Variants in SPATA13 observed in about 807,000 individuals in gnomAD.
SPATA13 encodes spermatogenesis-associated protein 13.
In SPATA13, 50 loss-of-function variants were observed where a neutral mutation model predicts 104.0. That is an observed-to-expected ratio of 0.48 (90% confidence interval 0.38 to 0.61). SPATA13 has a LOEUF of 0.61. Among genes scored for constraint, SPATA13 ranks in the 20% least tolerant of loss-of-function variants. The pLI, the probability that SPATA13 is intolerant of heterozygous loss-of-function variation, is 0.00. For missense variants in SPATA13, 1,524 were observed against 1,690.6 expected, an observed-to-expected ratio of 0.90 and a Z score of 1.73; for synonymous variants, 606 against 667.5, an observed-to-expected ratio of 0.91 and a Z score of 1.42.
intron 2 of SPATA13, among the ~76,000 whole-genome samples, chr13:24,226,064 T>TG (rs1310551632): frequency 6.6e-6 from 1 of 152,196 alleles, no homozygotes; most frequent in Non-Finnish European, 1.5e-5. Flanking sequence ...TGGCGGAGTC[T>TG]GGGGGTTTTT....
chr13:24,167,083 A>G (rs934799977), intron 1 of SPATA13, among the ~76,000 whole-genome samples: 1 of 152,156 alleles, frequency 6.6e-6, no homozygotes, highest in Non-Finnish European at 1.5e-5. Context: ...GGTATGACCT[A>G]TGTGTTGAAA....
intron 3 of SPATA13, among the ~76,000 whole-genome samples, chr13:24,110,351 T>C (rs1246817080): frequency 6.6e-6 from 1 of 152,072 alleles, no homozygotes; most frequent in African/African-American, 2.4e-5. Context: ...CTACAGGGAA[T>C]AAGGGGAAAA....
Position 24,189,820 on chromosome 13 carries a change from AAT to A in SPATA13, c.-112+28896_-112+28897del, listed in dbSNP as rs1192095876. ...ATATATATTTATATAATATATTATA[AAT>A]ATATATAAAATGATATTTAATATAT... On this transcript the variant is annotated intron_variant, in intron 1 of 12. Coordinates refer to ENST00000382108, the MANE Select transcript of SPATA13 (RefSeq NM_001166271.3). 4.7e-3 allele frequency among the ~76,000 whole-genome samples: 264 copies of A among 56,434 alleles called. 21 individuals carry two copies. The highest frequency in any genetic ancestry group is 0.015 in the African/African-American group (253 of 16,804). 37.0% of individuals were successfully genotyped at this position (56,434 alleles called of 152,430 possible). A position where few individuals can be genotyped will look rare whatever the true frequency, so the allele number is the denominator to read the frequency against.
chr13:24,049,401 C>T (rs1186559950), intron 3 of SPATA13, among the ~76,000 whole-genome samples: 1 of 152,192 alleles, frequency 6.6e-6, no homozygotes, highest in East Asian at 1.9e-4. Context: ...GAGCAATAGG[C>T]TACAACGTGC....
At chr13:24,140,122 T>C (rs1309942947) in intron 3 of SPATA13, among the ~76,000 whole-genome samples, 1 of 151,504 alleles carries the variant, frequency 6.6e-6, no homozygotes, top group Non-Finnish European at 1.5e-5. Context: ...TCTCTAAGGC[T>C]CCTGCCAATG....
intron 3 of SPATA13, among the ~76,000 whole-genome samples, chr13:24,146,757 C>T (rs943336498): frequency 2.0e-5 from 3 of 152,164 alleles, no homozygotes; most frequent in African/African-American, 4.8e-5. Flanking sequence ...CATTTTCCAT[C>T]GTGGTCGGCT....
chr13:24,079,981 T>G (rs558562353), intron 3 of SPATA13, among the ~76,000 whole-genome samples: 88 of 152,368 alleles, frequency 5.8e-4, no homozygotes, highest in African/African-American at 2.1e-3. Flanking sequence ...GCTTAGGAAT[T>G]GATTTGTAGT....
At chr13:24,248,078 G>T (rs971751502) in intron 2 of SPATA13, among the ~76,000 whole-genome samples, 2 of 152,204 alleles carry the variant, frequency 1.3e-5, no homozygotes, top group Admixed American at 1.3e-4. Flanking sequence ...GTAAGGTTCA[G>T]GGGTGGAAGA....
intron 3 of SPATA13, among the ~76,000 whole-genome samples, chr13:24,028,572 T>C (rs765010786): frequency 4.4e-4 from 67 of 152,236 alleles, no homozygotes; most frequent in Non-Finnish European, 8.5e-4. Context: ...AGTTTTTTAG[T>C]GATGTGTCTA....
At chr13:24,288,399 G>A (rs1876107866) in intron 7 of SPATA13, among the ~76,000 whole-genome samples, 1 of 152,164 alleles carries the variant, frequency 6.6e-6, no homozygotes, top group Non-Finnish European at 1.5e-5. Flanking sequence ...CTCTTTTTGA[G>A]TTAGCTGTTA....
chr13:24,254,711 C>T (rs796665247), intron 4 of SPATA13, among the ~76,000 whole-genome samples: 3 of 152,322 alleles, frequency 2.0e-5, no homozygotes, highest in African/African-American at 7.2e-5. Flanking sequence ...CTGGTTCCTG[C>T]GGGGAACCGT....
At chr13:23,998,473 A>G (rs377469353) in intron 2 of SPATA13, among the ~76,000 whole-genome samples, 41 of 152,332 alleles carry the variant, frequency 2.7e-4, no homozygotes, top group African/African-American at 9.6e-4. Flanking sequence ...TGGATAAAAG[A>G]TCTTTATCAG....
intron 3 of SPATA13, among the ~76,000 whole-genome samples, chr13:24,095,451 A>G (rs1880042716): frequency 6.6e-6 from 1 of 152,190 alleles, no homozygotes. Flanking sequence ...TAACGGGTAC[A>G]GAGTTTTAGT....
intron 1 of SPATA13, among the ~76,000 whole-genome samples, chr13:24,210,445 T>TGG (rs1870949310): frequency 6.6e-6 from 1 of 152,200 alleles, no homozygotes; most frequent in East Asian, 1.9e-4. Flanking sequence ...AGTTGATTTT[T>TGG]GGAGTAGGAG....
intron 2 of SPATA13, among the ~76,000 whole-genome samples, chr13:24,013,196 C>T (rs570573353): frequency 2.0e-5 from 3 of 152,326 alleles, no homozygotes; most frequent in Admixed American, 6.5e-5. Context: ...TCTCCCCACG[C>T]GTGCTGCACT....
intron 11 of SPATA13, among the ~76,000 whole-genome samples, chr13:24,298,746 C>A (rs1876969711): frequency 6.6e-6 from 1 of 152,216 alleles, no homozygotes; most frequent in South Asian, 2.1e-4. Flanking sequence ...TCTGTCCTCC[C>A]CAGCCACTGG....
intron 2 of SPATA13, among the ~76,000 whole-genome samples, chr13:24,006,420 C>T (rs980549819): frequency 1.3e-5 from 2 of 152,186 alleles, no homozygotes; most frequent in African/African-American, 4.8e-5. Flanking sequence ...GCAACGGTGT[C>T]AGACAACGAC....
intron 3 of SPATA13, among the ~76,000 whole-genome samples, chr13:24,038,756 G>T (rs971965895): frequency 2.6e-5 from 4 of 152,170 alleles, no homozygotes; most frequent in African/African-American, 9.7e-5. Flanking sequence ...TGGAGTTCTT[G>T]AACCTCTGAT....
intron 1 of SPATA13, among the ~76,000 whole-genome samples, chr13:24,188,831 G>T (rs956364614): frequency 6.6e-6 from 1 of 152,124 alleles, no homozygotes; most frequent in African/African-American, 2.4e-5. Flanking sequence ...ATGATTCTCC[G>T]GTTAGGGGCT....
Sources: gnomAD v4.1 joint callset for allele counts (sites outside exome capture counted in the v4.1 genomes callset) on GRCh38, gnomAD v4.1.1 for gene constraint, MANE v1.5 for transcripts, NCBI Gene and HGNC (gene_info 2026-07-23, HGNC 2026-07-21) for gene names.